ACSL1: variants seen among roughly 807,000 people sequenced by gnomAD.
ACSL1 encodes long-chain-fatty-acid--CoA ligase 1.
In ACSL1, 41 loss-of-function variants were observed where a neutral mutation model predicts 98.4. The observed-to-expected ratio is 0.42, with a 90% CI of 0.32 to 0.54. ACSL1 has a LOEUF of 0.54. Among genes scored for constraint, ACSL1 ranks in the 20% least tolerant of loss-of-function variants. The probability of loss-of-function intolerance (pLI) is 0.13; values close to 1 mark genes in which losing one functional copy is unlikely to be tolerated. For synonymous variants in ACSL1, 316 were observed against 322.7 expected, an observed-to-expected ratio of 0.98 and a Z score of 0.22; for missense variants, 734 against 883.1, an observed-to-expected ratio of 0.83 and a Z score of 2.14.
intron 5 of ACSL1, among the ~76,000 whole-genome samples, chr4:184,779,351 A>G (rs965620246): frequency 2.0e-5 from 3 of 152,174 alleles, no homozygotes; most frequent in Non-Finnish European, 2.9e-5. Context: ...ACCATGTAAG[A>G]AGTGCCTTTC....
chr4:184,799,663 C>T (rs1001294793), intron 2 of ACSL1, among the ~76,000 whole-genome samples: 4 of 152,034 alleles, frequency 2.6e-5, no homozygotes, highest in Non-Finnish European at 5.9e-5. Context: ...GCCTGGGCAA[C>T]ACAGCAAGAC....
Position 184,764,818 on chromosome 4 carries a change from A to T in ACSL1, c.1432+35T>A. 1.9e-6 allele frequency: 3 copies of T among 1,584,398 alleles called. No individual in the cohort carries two copies. The South Asian group carries it at 3.4e-5, about 18-fold the overall frequency. On this transcript the variant is annotated intron_variant, in intron 15 of 20. Transcript: ENST00000281455. ...ACATACCAATAACCCAGTATGAATA[A>T]CAAAATTCCAAAAAGGAGCCTCCTA... is the stretch of plus-strand genomic sequence containing the variant.
chr4:184,813,894 C>G (rs1170365165), intron 1 of ACSL1: 1 of 456,112 alleles, frequency 2.2e-6, no homozygotes, highest in Non-Finnish European at 4.4e-6. Context: ...GTTTGAGAAA[C>G]TGCACGCAGA....
chr4:184,757,039 T>C lies in ACSL1; in HGVS notation c.*86A>G. Reference sequence around the variant, plus strand: ...CGAACGCTTCCTTCCCTACACTTGCTGTATTCAAAATTAACAACATGAAGG... The same window carrying C: ...CGAACGCTTCCTTCCCTACACTTGCCGTATTCAAAATTAACAACATGAAGG... On this transcript the variant is annotated 3_prime_UTR_variant, in exon 21 of 21. Transcript: ENST00000281455. This position sits in a 1 kb window ranked among gnomAD's most constrained non-coding sequence, Gnocchi z 4.5. The C allele has an allele frequency of 6.9e-7, 1 of 1,442,246 alleles. No homozygotes were observed. The highest frequency in any genetic ancestry group is 2.2e-5 in the Admixed American group (1 of 45,844). The allele number at this position is 1,442,246 out of a possible 1,614,324, so 89.3% of individuals were successfully genotyped here. A position where few individuals can be genotyped will look rare whatever the true frequency, so the allele number is the denominator to read the frequency against.
intron 2 of ACSL1, among the ~76,000 whole-genome samples, chr4:184,797,239 T>C (rs1769572776): frequency 6.6e-6 from 1 of 152,228 alleles, no homozygotes; most frequent in Non-Finnish European, 1.5e-5. Flanking sequence ...ATGATCCCTA[T>C]AGGCCCACAC....
chr4:184,779,194 C>T (rs561045258), intron 5 of ACSL1, among the ~76,000 whole-genome samples: 20 of 152,264 alleles, frequency 1.3e-4, no homozygotes, highest in African/African-American at 3.1e-4. Context: ...AGAATTCCCA[C>T]GTGTTGTGGG....
At chr4:184,797,003 T>A (rs2150411298) in intron 2 of ACSL1, among the ~76,000 whole-genome samples, 1 of 152,280 alleles carries the variant, frequency 6.6e-6, no homozygotes, top group South Asian at 2.1e-4. Context: ...ATCAGGCTGG[T>A]GTCAGTGAGG....
intron 3 of ACSL1, among the ~76,000 whole-genome samples, chr4:184,786,052 G>A (rs943439578): frequency 2.0e-5 from 3 of 152,136 alleles, no homozygotes; most frequent in Admixed American, 6.5e-5. Flanking sequence ...GTCTCCCTAC[G>A]ATGGGAGGGT....
chr4:184,806,974 T>C (rs1163185015), intron 1 of ACSL1, among the ~76,000 whole-genome samples: 1 of 152,232 alleles, frequency 6.6e-6, no homozygotes, highest in Non-Finnish European at 1.5e-5. Context: ...AGAACAACTC[T>C]TAAACAGACA....
At chr4:184,777,884 T>C (rs1765557577) in intron 5 of ACSL1, among the ~76,000 whole-genome samples, 1 of 152,034 alleles carries the variant, frequency 6.6e-6, no homozygotes, top group Admixed American at 6.5e-5. Context: ...CTGGCACAGA[T>C]GGTTCTGGCT....
rs567184297 is a variant in ACSL1, at chr4:184,785,042, G to C, written c.311-1051C>G. On this transcript the variant is annotated intron_variant, in intron 3 of 20. Coordinates refer to ENST00000281455, the MANE Select transcript of ACSL1 (RefSeq NM_001995.5). ...ACAGAGACGGGCGCACTGCAGCCAA[G>C]GGCCAAATCAGGCCCACTGGCTGTT... is the stretch of plus-strand genomic sequence containing the variant. Among the ~76,000 whole-genome samples, 4 of 152,322 alleles carry C rather than the reference G, an allele frequency of 2.6e-5. No individual in the cohort carries two copies. The East Asian group carries it at 7.7e-4, about 29-fold the overall frequency.
chr4:184,821,712 G>A (rs547369987), intron 1 of ACSL1, among the ~76,000 whole-genome samples: 1 of 152,290 alleles, frequency 6.6e-6, no homozygotes, highest in East Asian at 1.9e-4. Context: ...ATGGGGAGAA[G>A]TAACTAAATT....
rs773897518 is a variant in ACSL1 at position 184,757,194 on chromosome 4, C to T, written c.2028G>A (p.Ala676=). The change falls in exon 21 of 21, where the codon GCG becomes GCA. Residue 676 remains alanine (A), a synonymous_variant. Coordinates refer to ENST00000281455, the MANE Select transcript of ACSL1 (RefSeq NM_001995.5). This position sits in a 1 kb window ranked among gnomAD's most constrained non-coding sequence, Gnocchi z 4.5. The part of the protein sequence containing the change: ...DNGLLTPTMK[A]KRPELRNYFR... ...AATAGTTCCGCAGCTCTGGCCTTTT[C>T]GCCTTCATTGTTGGAGTCAGAAGGC... 1.2e-5 allele frequency: 19 copies of T among 1,610,296 alleles called. No homozygotes were observed. Among genetic ancestry groups the T allele is most frequent in the East Asian group, 1.1e-4 (5 of 44,776 alleles).
chr4:184,763,415 G>C (rs540839724), intron 15 of ACSL1, among the ~76,000 whole-genome samples, 160 bp from the exon 16 acceptor site: 1 of 152,198 alleles, frequency 6.6e-6, no homozygotes, highest in African/African-American at 2.4e-5. Flanking sequence ...TAATTTAAGA[G>C]AGTCTATTCT....
intron 7 of ACSL1, among the ~76,000 whole-genome samples, chr4:184,775,695 T>C (rs1364836475): frequency 6.6e-6 from 1 of 152,156 alleles, no homozygotes; most frequent in Non-Finnish European, 1.5e-5. Context: ...ACTTATAGCC[T>C]CAAATTCTTT....
chr4:184,778,232 A>C (rs571435640), intron 5 of ACSL1, among the ~76,000 whole-genome samples: 6 of 152,286 alleles, frequency 3.9e-5, no homozygotes, highest in Admixed American at 1.3e-4. Flanking sequence ...TTCTAATGAA[A>C]TCATCTGCAG....
rs72695644 is a variant in ACSL1, at chr4:184,788,737, A to G, written c.196-6T>C. ...CTTCGTGCACCACCACTACCCTATCAAAAAAGAAAGGGGGGCAGGTTAGAA... is the reference window on the plus strand; with the variant it reads ...CTTCGTGCACCACCACTACCCTATCGAAAAAGAAAGGGGGGCAGGTTAGAA... On this transcript the variant is annotated splice_polypyrimidine_tract_variant and splice_region_variant and intron_variant, in intron 2 of 20. Transcript: ENST00000281455. 0.065 allele frequency: 104,720 copies of G among 1,612,786 alleles called. 3,741 individuals carry two copies. Among genetic ancestry groups the G allele is most frequent in the Non-Finnish European group, 0.073 (86,385 of 1,178,896 alleles).
At chr4:184,804,626 T>G (rs72695678) in intron 1 of ACSL1, among the ~76,000 whole-genome samples, 1 of 151,986 alleles carries the variant, frequency 6.6e-6, no homozygotes, top group Non-Finnish European at 1.5e-5. Context: ...AGAGCCAAAT[T>G]CTGCCTCCCT....
intron 17 of ACSL1, among the ~76,000 whole-genome samples, chr4:184,761,716 TC>T (rs1762875145): frequency 6.6e-6 from 1 of 152,084 alleles, no homozygotes; most frequent in Non-Finnish European, 1.5e-5. Flanking sequence ...TACCACAACT[TC>T]CCCCAGATCT....
Sources: gnomAD v4.1 joint callset for allele counts (sites outside exome capture counted in the v4.1 genomes callset) on GRCh38, gnomAD v4.1.1 for gene constraint, Gnocchi (gnomAD v3.1) non-coding constraint, MANE v1.5 for transcripts, NCBI Gene and HGNC (gene_info 2026-07-23, HGNC 2026-07-21) for gene names.